The following PALLD variants were observed in gnomAD, a reference collection of about 807,000 sequenced individuals.
PALLD encodes palladin.
In PALLD, 61 loss-of-function variants were observed where a neutral mutation model predicts 123.5. The ratio of observed to expected loss-of-function variants is 0.49; its 90% CI spans 0.40 to 0.61. The LOEUF (loss-of-function observed/expected upper bound fraction) is 0.61, where lower values mean the gene tolerates loss of function less well. PALLD is among the 20% of genes least tolerant of loss of function. The pLI is 0.00. For synonymous variants in PALLD, 465 were observed against 496.4 expected, an observed-to-expected ratio of 0.94 and a Z score of 0.84; for missense variants, 1,273 against 1,377.0, an observed-to-expected ratio of 0.92 and a Z score of 1.20.
chr4:168,804,724 T>C (rs896061879), intron 10 of PALLD, among the ~76,000 whole-genome samples: 1 of 152,220 alleles, frequency 6.6e-6, no homozygotes, highest in African/African-American at 2.4e-5. Flanking sequence ...TATAGTTTGA[T>C]CCACAACACC....
At chr4:168,558,891 T>C (rs966207642) in intron 2 of PALLD, among the ~76,000 whole-genome samples, 1 of 152,240 alleles carries the variant, frequency 6.6e-6, no homozygotes, top group Non-Finnish European at 1.5e-5. Context: ...CCTAGGTGTG[T>C]CTTTTTTCTC....
chr4:168,736,302 A>AGT (rs1209582193), intron 10 of PALLD, among the ~76,000 whole-genome samples: 5 of 152,278 alleles, frequency 3.3e-5, no homozygotes, highest in South Asian at 4.2e-4. Context: ...ACACACACAC[A>AGT]GTGTGTATGT....
intron 10 of PALLD, among the ~76,000 whole-genome samples, chr4:168,886,102 G>A (rs1753295298): frequency 6.6e-6 from 1 of 152,130 alleles, no homozygotes; most frequent in Admixed American, 6.5e-5. Flanking sequence ...AATGTACTAA[G>A]AAGCAAAAAC....
chr4:168,927,156 C>T lies in PALLD; in HGVS notation c.*976C>T, dbSNP rs566629123. The T allele has an allele frequency of 4.4e-6, 1 of 228,978 alleles. No individual in the cohort carries two copies. The highest frequency in any genetic ancestry group is 1.8e-4 in the South Asian group (1 of 5,476). The allele number at this position is 228,978 out of a possible 1,614,324, so 14.2% of individuals were successfully genotyped here. On this transcript the variant is annotated 3_prime_UTR_variant, in exon 22 of 22. Coordinates refer to ENST00000505667, the MANE Select transcript of PALLD (RefSeq NM_001166108.2). ...CATTCCACAGAAAGCATCCAAACCA[C>T]CCAAATGACCAAGGCATATATAGTA... is the stretch of plus-strand genomic sequence containing the variant.
At chr4:168,831,144 A>G (rs964944966) in intron 10 of PALLD, among the ~76,000 whole-genome samples, 1 of 152,246 alleles carries the variant, frequency 6.6e-6, no homozygotes, top group Non-Finnish European at 1.5e-5. Flanking sequence ...ACACAGAGCC[A>G]GGGGTGTCCT....
In PALLD at chr4:168,520,473, CTCTT is replaced by C. The variant is rs112264842; in HGVS notation, c.908+8065_908+8068del. ...ATGCGACGCATTGAGAGGTTTTATC[CTCTT>C]TCTATCTTTTCCATTCTTTCTTAAC... On this transcript the variant is annotated intron_variant, in intron 2 of 21. Transcript: ENST00000505667. Among the ~76,000 whole-genome samples, 805 of 152,206 alleles carry C rather than the reference CTCTT, an allele frequency of 5.3e-3. 3 individuals are homozygous for C. The highest frequency in any genetic ancestry group is 0.017 in the African/African-American group (686 of 41,516).
At chr4:168,843,564 T>A (rs1018470263) in intron 10 of PALLD, among the ~76,000 whole-genome samples, 1 of 152,142 alleles carries the variant, frequency 6.6e-6, no homozygotes, top group Non-Finnish European at 1.5e-5. Flanking sequence ...TTTCCAATTG[T>A]AGTTTTGATT....
intron 10 of PALLD, among the ~76,000 whole-genome samples, chr4:168,825,186 A>G (rs1003753312): frequency 6.6e-6 from 1 of 152,190 alleles, no homozygotes; most frequent in Non-Finnish European, 1.5e-5. Context: ...ATATTCAGAG[A>G]ATTTTCTAAT....
In PALLD at chr4:168,927,412, T is replaced by A. The variant is rs1762700356; in HGVS notation, c.*1232T>A. On this transcript the variant is annotated 3_prime_UTR_variant, in exon 22 of 22. Coordinates refer to ENST00000505667, the MANE Select transcript of PALLD (RefSeq NM_001166108.2). Reference sequence around the variant, plus strand: ...GAGCACACATGCTGTGGAGCACACATGCTGTGGAGATTGCAGTGTGTCTGA... The same window carrying A: ...GAGCACACATGCTGTGGAGCACACAAGCTGTGGAGATTGCAGTGTGTCTGA... 4.3e-6 allele frequency: 1 copy of A among 231,764 alleles called. No individual in the cohort carries two copies. The highest frequency in any genetic ancestry group is 8.5e-6 in the Non-Finnish European group (1 of 117,620). The allele number at this position is 231,764 out of a possible 1,614,324, so 14.4% of individuals were successfully genotyped here.
intron 6 of PALLD, among the ~76,000 whole-genome samples, chr4:168,688,109 C>T (rs1229352788): frequency 2.0e-5 from 3 of 152,158 alleles, no homozygotes; most frequent in Admixed American, 2.0e-4. Context: ...CCTTCTTAGG[C>T]CTGGTCTCTG....
In PALLD at chr4:168,534,583, T is replaced by C. The variant is rs143612111; in HGVS notation, c.908+22171T>C. Among the ~76,000 whole-genome samples, 25 of 152,332 alleles carry C rather than the reference T, an allele frequency of 1.6e-4. No individual in the cohort carries two copies. The East Asian group carries it at 4.2e-3, about 26-fold the overall frequency. On this transcript the variant is annotated intron_variant, in intron 2 of 21. Transcript: ENST00000505667. ...GAACTATTCATTTCAAATGGTATAA[T>C]AGGGGAAGTGGTTCCTTCATCATTT...
At chr4:168,895,428 A>G (rs1034092420) in intron 12 of PALLD, among the ~76,000 whole-genome samples, 2 of 152,346 alleles carry the variant, frequency 1.3e-5, no homozygotes, top group East Asian at 3.9e-4. Flanking sequence ...TGACTCTTCA[A>G]AAACTTAACT....
At chr4:168,658,865 T>G (rs1778862070) in intron 2 of PALLD, among the ~76,000 whole-genome samples, 1 of 152,242 alleles carries the variant, frequency 6.6e-6, no homozygotes. Context: ...ATCTATTTAT[T>G]GGTCTCTTTG....
intron 10 of PALLD, among the ~76,000 whole-genome samples, chr4:168,719,084 T>G (rs932282899): frequency 6.6e-6 from 1 of 150,742 alleles, no homozygotes; most frequent in African/African-American, 2.4e-5. Flanking sequence ...ATTTTTGTAT[T>G]TTTAGTAGAG....
chr4:168,536,776 T>C (rs1487994080), intron 2 of PALLD, among the ~76,000 whole-genome samples: 2 of 151,752 alleles, frequency 1.3e-5, no homozygotes, highest in African/African-American at 4.8e-5. Flanking sequence ...CAATTCAAGG[T>C]GAGATTTAGG....
At chr4:168,691,408 TG>T in intron 8 of PALLD, 116 bp downstream of exon 8, 1 of 837,040 alleles carries the variant, frequency 1.2e-6, no homozygotes, top group South Asian at 1.5e-5. Context: ...AATGTTTTTG[TG>T]GCTCCCTGGA....
intron 10 of PALLD, among the ~76,000 whole-genome samples, chr4:168,876,383 C>G (rs1408385740): frequency 6.6e-6 from 1 of 152,220 alleles, no homozygotes; most frequent in African/African-American, 2.4e-5. Context: ...AGTGACATGC[C>G]TACTTTTAAA....
At chr4:168,523,083 ATAAGAACTTTTTCC>A (rs1206090395) in intron 2 of PALLD, among the ~76,000 whole-genome samples, 2 of 152,178 alleles carry the variant, frequency 1.3e-5, no homozygotes, top group Non-Finnish European at 2.9e-5. Context: ...ACCCTAGGGA[ATAAGAACTTTTTCC>A]TAAGATGACA....
In PALLD at chr4:168,542,355, G is replaced by C. The variant is rs1330903638; in HGVS notation, c.908+29943G>C. ...GACTTGACCCTAGGAGTTCGAGGCT[G>C]CAGTGAGCTATGATCATACCACTGC... On this transcript the variant is annotated intron_variant, in intron 2 of 21. Coordinates refer to ENST00000505667, the MANE Select transcript of PALLD (RefSeq NM_001166108.2). Among the ~76,000 whole-genome samples, 6 of 151,936 alleles carry C rather than the reference G, an allele frequency of 3.9e-5. No homozygotes were observed. The East Asian group carries it at 1.2e-3, about 29-fold the overall frequency.
Sources: allele counts gnomAD v4.1 joint callset (sites outside exome capture counted in the v4.1 genomes callset), GRCh38; gene constraint gnomAD v4.1.1; transcripts MANE v1.5; gene names NCBI Gene and HGNC (gene_info 2026-07-23, HGNC 2026-07-21).